Variants in BRF1 observed in about 807,000 individuals in gnomAD.
BRF1 encodes the protein BRF1 general transcription factor IIIB subunit, also known as transcription factor IIIB 90 kDa subunit.
Under a neutral mutation model 81.7 loss-of-function variants are expected in BRF1, and 59 were observed. The ratio of observed to expected loss-of-function variants is 0.72; its 90% CI spans 0.59 to 0.90. BRF1 has a LOEUF of 0.90. Ranked by LOEUF, BRF1 falls within the 40% of genes least tolerant of loss-of-function variation. The pLI is 0.00. For synonymous variants in BRF1, 491 were observed against 395.6 expected, an observed-to-expected ratio of 1.24 and a Z score of -2.86; for missense variants, 1,050 against 936.3, an observed-to-expected ratio of 1.12 and a Z score of -1.58.
chr14:105,286,433 C>T, intron 1 of BRF1, 57 bp from the exon 2 acceptor site: 1 of 1,527,052 alleles, frequency 6.5e-7, no homozygotes, highest in South Asian at 1.2e-5. Context: ...ATTTACAACC[C>T]TTTCCTAACA....
At chr14:105,280,214 G>C (rs2057012366) in intron 2 of BRF1, among the ~76,000 whole-genome samples, 1 of 152,252 alleles carries the variant, frequency 6.6e-6, no homozygotes, top group South Asian at 2.1e-4. Flanking sequence ...CCACTAAAGA[G>C]AAAGAGGCCA....
chr14:105,250,414 G>A, intron 5 of BRF1: 2 of 1,613,926 alleles, frequency 1.2e-6, no homozygotes, highest in Non-Finnish European at 1.7e-6. Flanking sequence ...TTCTGGCTCA[G>A]AACTTGACCA....
At chr14:105,275,024 G>A (rs761216618) in intron 2 of BRF1, among the ~76,000 whole-genome samples, 3 of 152,196 alleles carry the variant, frequency 2.0e-5, no homozygotes, top group East Asian at 1.9e-4. Context: ...TACCTGAGGC[G>A]GCCTCCATCC....
Position 105,210,675 on chromosome 14 carries a change from C to A in BRF1, c.1997-87G>T. 1 of 1,461,900 alleles carries A rather than the reference C, an allele frequency of 6.8e-7. No homozygotes were observed. The highest frequency in any genetic ancestry group is 9.3e-7 in the Non-Finnish European group (1 of 1,072,610). The allele number at this position is 1,461,900 out of a possible 1,614,324, so 90.6% of individuals were successfully genotyped here. On this transcript the variant is annotated intron_variant, in intron 17 of 17. Coordinates refer to ENST00000547530, the MANE Select transcript of BRF1 (RefSeq NM_001519.4). The surrounding 1 kb of genome is among the most constrained non-coding windows in gnomAD (Gnocchi z 4.7). ...CAACCCGCCCTGTTCCTGGTGCCCC[C>A]CTAGAAGACTCAGGCTCCAGCCCCA...
intron 2 of BRF1, among the ~76,000 whole-genome samples, chr14:105,274,025 T>C (rs1303332960): frequency 6.6e-6 from 1 of 152,234 alleles, no homozygotes; most frequent in Non-Finnish European, 1.5e-5. Context: ...TGTACACTTG[T>C]TCAATTCTGA....
At chr14:105,219,678 A>T (rs1891932616) in intron 12 of BRF1, 1 of 401,638 alleles carries the variant, frequency 2.5e-6, no homozygotes, top group South Asian at 3.9e-5. Context: ...AACTGCAAAG[A>T]GCTGGTCCCA....
chr14:105,272,692 C>T (rs775847551), intron 3 of BRF1, 29 bp downstream of exon 3: 3 of 1,572,002 alleles, frequency 1.9e-6, no homozygotes, highest in South Asian at 1.2e-5. Context: ...AGATGGGGCC[C>T]TCTGGGAGGC....
At chr14:105,229,278 A>AG (rs2054318284) in intron 6 of BRF1, among the ~76,000 whole-genome samples, 1 of 152,234 alleles carries the variant, frequency 6.6e-6, no homozygotes, top group South Asian at 2.1e-4. Flanking sequence ...TGGGCAGGAA[A>AG]GGGGCGAGGC....
chr14:105,219,791 T>G, intron 12 of BRF1: 1 of 537,744 alleles, frequency 1.9e-6, no homozygotes, highest in Non-Finnish European at 3.4e-6. Flanking sequence ...TGGTGCTATT[T>G]GTGCGATGTG....
chr14:105,301,447 G>A (rs1056473085), upstream of BRF1, among the ~76,000 whole-genome samples: 8 of 151,128 alleles, frequency 5.3e-5, no homozygotes, highest in Non-Finnish European at 8.9e-5. Flanking sequence ...GGCCGAGCGT[G>A]GTGGGCGGGG....
In BRF1 at chr14:105,271,906, G is replaced by A. The variant is rs1167205586; in HGVS notation, c.439+815C>T. On this transcript the variant is annotated intron_variant, in intron 3 of 17. Coordinates refer to ENST00000547530, the MANE Select transcript of BRF1 (RefSeq NM_001519.4). The surrounding 1 kb of genome is among the most constrained non-coding windows in gnomAD (Gnocchi z 5.5). ...GCCAAGCTGCACACCGCTGAGGGTC[G>A]GCGGCCTCCCCGCCCACCGCCTGCA... 1.3e-5 allele frequency among the ~76,000 whole-genome samples: 1 copy of A among 75,896 alleles called. No homozygotes were observed. The highest frequency in any genetic ancestry group is 5.1e-5 in the African/African-American group (1 of 19,652). The allele number at this position is 75,896 out of a possible 152,430, so 49.8% of individuals were successfully genotyped here. A position where few individuals can be genotyped will look rare whatever the true frequency, so the allele number is the denominator to read the frequency against.
In BRF1 at chr14:105,217,723, C is replaced by G; in HGVS notation, c.1593G>C (p.Gln531His). ...AREAIEKMLE[Q>H]KKISSKINYS... ...AATTGATCTTGCTGGAGATCTTCTT[C>G]TGCTCCAGCATCTTCTCGATGGCCT... The change falls in exon 15 of 18, where the codon CAG becomes CAC. Residue 531 changes from glutamine (Q) to histidine (H), a missense_variant. Physicochemically the swap from Gln to His is conservative, Grantham distance 24 (BLOSUM62 0). Transcript: ENST00000547530. The G allele has an allele frequency of 6.2e-7, 1 of 1,613,486 alleles. No homozygotes were observed.
At chr14:105,249,228 G>T in intron 5 of BRF1, 1 of 1,586,072 alleles carries the variant, frequency 6.3e-7, no homozygotes, top group East Asian at 2.3e-5. Context: ...GGGGCGACCA[G>T]GACGGTGCCC....
intron 5 of BRF1, chr14:105,247,419 T>C (rs2055194932): frequency 2.0e-6 from 2 of 985,432 alleles, no homozygotes; most frequent in Non-Finnish European, 2.4e-6. Flanking sequence ...GGCCATTGCA[T>C]GGTGTCTGTT....
At chr14:105,218,963 C>T (rs774927958) in intron 14 of BRF1, 35 bp downstream of exon 14, 3 of 1,613,388 alleles carry the variant, frequency 1.9e-6, no homozygotes, top group Non-Finnish European at 2.5e-6. Context: ...CTGGACACCC[C>T]CAAGAAGGCC....
At position 105,300,666 on chromosome 14, in the gene BRF1, A is replaced by G; in HGVS notation, c.-37T>C. On this transcript the variant is annotated 5_prime_UTR_variant, in exon 1 of 18. Transcript: ENST00000547530. ...CGCGGGCAGCGCCCGGAGCCTCCCA[A>G]GACTCTCAAGCCACCCGAGCCTCCG... is the stretch of plus-strand genomic sequence containing the variant. 1.5e-6 allele frequency: 2 copies of G among 1,307,408 alleles called. No individual in the cohort carries two copies. The highest frequency in any genetic ancestry group is 1.9e-6 in the Non-Finnish European group (2 of 1,036,020). The allele number at this position is 1,307,408 out of a possible 1,614,324, so 81.0% of individuals were successfully genotyped here.
chr14:105,281,740 A>G (rs587675621), intron 2 of BRF1, among the ~76,000 whole-genome samples: 3 of 150,946 alleles, frequency 2.0e-5, no homozygotes, highest in East Asian at 3.9e-4. Flanking sequence ...TAAAAATTAC[A>G]AGTCTTTTTT....
chr14:105,305,438 C>T (rs1371507791), upstream of BRF1, among the ~76,000 whole-genome samples: 4 of 152,054 alleles, frequency 2.6e-5, no homozygotes, highest in Non-Finnish European at 5.9e-5. Context: ...AAAAACGTGG[C>T]TGGAGGGAGC....
intron 1 of BRF1, among the ~76,000 whole-genome samples, chr14:105,287,036 C>A (rs976053102): frequency 1.3e-5 from 2 of 152,218 alleles, no homozygotes; most frequent in Non-Finnish European, 2.9e-5. Context: ...TGCCCCAAGG[C>A]ACTGCAACCA....
Sources: allele counts gnomAD v4.1 joint callset (sites outside exome capture counted in the v4.1 genomes callset), GRCh38; gene constraint gnomAD v4.1.1; non-coding constraint Gnocchi (gnomAD v3.1); transcripts MANE v1.5; gene names NCBI Gene and HGNC (gene_info 2026-07-23, HGNC 2026-07-21).